ARHGEF15: variants seen among roughly 807,000 people sequenced by gnomAD.
ARHGEF15 encodes the protein Rho guanine nucleotide exchange factor (GEF) 15.
Under a neutral mutation model 79.7 loss-of-function variants are expected in ARHGEF15, and 58 were observed. That is an observed-to-expected ratio of 0.73 (90% CI 0.59 to 0.91). The LOEUF is 0.91. Among genes scored for constraint, ARHGEF15 ranks in the 40% least tolerant of loss-of-function variants. The pLI, the probability that ARHGEF15 is intolerant of heterozygous loss-of-function variation, is 0.00. For synonymous variants in ARHGEF15, 442 were observed against 456.0 expected (o/e 0.97, Z 0.39); for missense variants, 1,012 against 1,108.1 (o/e 0.91, Z 1.23).
Position 8,319,651 on chromosome 17 carries a change from TTTG to T in ARHGEF15, c.2374+49_2374+51del. 2.8e-6 allele frequency: 4 copies of T among 1,418,910 alleles called. No homozygotes were observed. In the South Asian group the frequency reaches 6.2e-5, roughly 22 times the overall value. The allele number at this position is 1,418,910 out of a possible 1,614,324, so 87.9% of individuals were successfully genotyped here. On this transcript the variant is annotated intron_variant, in intron 15 of 15. Coordinates refer to ENST00000361926, the MANE Select transcript of ARHGEF15 (RefSeq NM_173728.4). ...TATTTTGTATTTATTATTATTATTTTTTGAGACAGAGTCTCATTCTGTCAGCCA... is the reference window on the plus strand; with the variant it reads ...TATTTTGTATTTATTATTATTATTTTAGACAGAGTCTCATTCTGTCAGCCA...
In ARHGEF15 at chr17:8,312,601, C is replaced by T. The variant is rs1186599242; in HGVS notation, c.562C>T (p.Pro188Ser). The T allele has an allele frequency of 6.2e-7, 1 of 1,612,826 alleles. No individual in the cohort carries two copies. ...AGATGTGAATGGGGAGAGAGAAGCT[C>T]CCCTCACCGGGAGTGGGTCCCAGGA... Reference protein sequence around the residue: ...RADVNGEREAPLTGSGSQENG... With the variant: ...RADVNGEREASLTGSGSQENG... Residue 188 changes from proline (P) to serine (S), a missense_variant, in exon 2 of 16, where the codon CCC becomes TCC. Pro to Ser is a moderately conservative substitution (Grantham distance 74). Transcript: ENST00000361926.
chr17:8,314,816 T>G, intron 4 of ARHGEF15, 90 bp from the exon 5 acceptor site: 2 of 1,489,206 alleles, frequency 1.3e-6, no homozygotes, highest in Non-Finnish European at 1.8e-6. Flanking sequence ...AACCTGCACA[T>G]GGGTTGCCCT....
At chr17:8,317,669 T>C (rs552775211) in intron 9 of ARHGEF15, among the ~76,000 whole-genome samples, 3 of 152,266 alleles carry the variant, frequency 2.0e-5, no homozygotes, top group South Asian at 4.1e-4. Context: ...TTGCCTCAGG[T>C]CATACAGAAA....
chr17:8,321,973 C>A lies in ARHGEF15; in HGVS notation c.*980C>A, dbSNP rs1016410322. 6.5e-6 allele frequency: 1 copy of A among 152,978 alleles called. No individual in the cohort carries two copies. The highest frequency in any genetic ancestry group is 1.5e-5 in the Non-Finnish European group (1 of 68,318). 9.5% of individuals were successfully genotyped at this position (152,978 alleles called of 1,614,324 possible). On this transcript the variant is annotated 3_prime_UTR_variant, in exon 16 of 16. Transcript: ENST00000361926. ...TTCTCCTTGCCCCAAACACTGGCCTCCATAATTCCTGCCTGCAGATCTCCC... is the reference window on the plus strand; with the variant it reads ...TTCTCCTTGCCCCAAACACTGGCCTACATAATTCCTGCCTGCAGATCTCCC...
intron 4 of ARHGEF15, among the ~76,000 whole-genome samples, chr17:8,314,566 C>T (rs1369638930): frequency 6.6e-6 from 1 of 151,920 alleles, no homozygotes; most frequent in Admixed American, 6.6e-5. Context: ...GAATGGGGCC[C>T]ACTTAGTTCA....
chr17:8,319,370 C>T lies in ARHGEF15; in HGVS notation c.2245C>T (p.Pro749Ser), dbSNP rs374099924. The T allele has an allele frequency of 1.2e-6, 2 of 1,613,950 alleles. No homozygotes were observed. The highest frequency in any genetic ancestry group is 2.7e-5 in the African/African-American group (2 of 74,942). The part of the protein sequence containing the change: ...FPTPGPLPCS[P>S]DTIYEDCDCS... ...AACCCCAGGCCCCCTTCCCTGCTCC[C>T]CAGACACCATCTATGAGGACTGTGG... is the stretch of plus-strand genomic sequence containing the variant. The change falls in exon 14 of 16, where the codon CCA becomes TCA. Residue 749 changes from proline to serine, a missense_variant. Transcript: ENST00000361926.
rs1905410392 is a variant in ARHGEF15 at position 8,321,921 on chromosome 17, C to T, written c.*928C>T. 1 of 152,626 alleles carries T rather than the reference C, an allele frequency of 6.6e-6. No homozygotes were observed. Among genetic ancestry groups the T allele is most frequent in the Non-Finnish European group, 1.5e-5 (1 of 68,094 alleles). The allele number at this position is 152,626 out of a possible 1,614,324, so 9.5% of individuals were successfully genotyped here. The stretch of plus-strand genomic sequence containing the variant: ...GACTGAAGATGGCCAGTAGCTGGGT[C>T]CTGAGGCCCCTGAAGTCTGCAGACC... On this transcript the variant is annotated 3_prime_UTR_variant, in exon 16 of 16. Transcript: ENST00000361926.
At chr17:8,317,469 A>G (rs1013662111) in intron 9 of ARHGEF15, among the ~76,000 whole-genome samples, 1 of 152,158 alleles carries the variant, frequency 6.6e-6, no homozygotes, top group African/African-American at 2.4e-5. Context: ...ATTCAGCTTT[A>G]TCTATCCCCA....
chr17:8,313,590 C>G (rs1348085290), intron 4 of ARHGEF15, 35 bp downstream of exon 4: 3 of 1,596,640 alleles, frequency 1.9e-6, no homozygotes, highest in African/African-American at 2.7e-5. Flanking sequence ...CCCTGGTTCT[C>G]TCCCCACCAT....
At chr17:8,314,162 G>A (rs1382278001) in intron 4 of ARHGEF15, 1 of 152,238 alleles carries the variant, frequency 6.6e-6, no homozygotes, top group Admixed American at 6.5e-5. Flanking sequence ...GAGTAAGTGA[G>A]TGCACCATTT....
chr17:8,321,079 T>C lies in ARHGEF15; in HGVS notation c.*86T>C. ...AAGCCCATTCATCCATTGGATTCAC[T>C]GTCAGTGGAGATACTACCTCTCGTG... is the stretch of plus-strand genomic sequence containing the variant. On this transcript the variant is annotated 3_prime_UTR_variant, in exon 16 of 16. Coordinates refer to ENST00000361926, the MANE Select transcript of ARHGEF15 (RefSeq NM_173728.4). 6.4e-7 allele frequency: 1 copy of C among 1,557,144 alleles called. No individual in the cohort carries two copies. Among genetic ancestry groups the C allele is most frequent in the African/African-American group, 1.4e-5 (1 of 73,872 alleles).
chr17:8,317,835 G>A (rs1905126096), intron 9 of ARHGEF15, among the ~76,000 whole-genome samples: 1 of 152,160 alleles, frequency 6.6e-6, no homozygotes, highest in Non-Finnish European at 1.5e-5. Flanking sequence ...GGGAGGCCGA[G>A]GCGGGTGGAT....
rs372888591 is a variant in ARHGEF15 at position 8,312,552 on chromosome 17, G to A, written c.513G>A (p.Pro171=). The change falls in exon 2 of 16, where the codon CCG becomes CCA. Residue 171 remains proline (P), a synonymous_variant. Transcript: ENST00000361926. ...GCCGGGCTCAGGATGCAGATGCCCCGGAGCCAGGTCTCCAAGCGAGAGCAG... is the reference window on the plus strand; with the variant it reads ...GCCGGGCTCAGGATGCAGATGCCCCAGAGCCAGGTCTCCAAGCGAGAGCAG... ...AEGRAQDADA[P]EPGLQARADV... is the part of the protein sequence containing the mutation. 3.8e-5 allele frequency: 61 copies of A among 1,608,928 alleles called. No individual in the cohort carries two copies. The highest frequency in any genetic ancestry group is 1.8e-4 in the East Asian group (8 of 44,774).
chr17:8,314,792 G>A, intron 4 of ARHGEF15, 114 bp from the exon 5 acceptor site: 1 of 1,212,814 alleles, frequency 8.2e-7, no homozygotes, highest in Non-Finnish European at 1.1e-6. Flanking sequence ...GGAGCCGTCA[G>A]GGTCCCTACA....
Position 8,315,838 on chromosome 17 carries a change from G to A in ARHGEF15, c.1505G>A (p.Gly502Glu), listed in dbSNP as rs766320878. Residue 502 changes from glycine to glutamate, a missense_variant, in exon 8 of 16, where the codon GGG becomes GAG. Physicochemically the swap from Gly to Glu is moderately conservative, Grantham distance 98. Around this residue, in one of 3 missense-constraint regions of ARHGEF15, gnomAD observed 818 missense variants for 882.5 expected, o/e 0.93. Transcript: ENST00000361926. This position sits in a 1 kb window ranked among gnomAD's most constrained non-coding sequence, Gnocchi z 4.3. ...LCDVVHAHAV[G>E]PFSVYVDYVR... ...GATGTGGTGCATGCCCACGCTGTGG[G>A]GCCTTTCTCGGTGTATGTGGATTAT... 3 of 1,612,672 alleles carry A rather than the reference G, an allele frequency of 1.9e-6. No individual in the cohort carries two copies. The Admixed American group carries it at 5.0e-5, about 27-fold the overall frequency.
At position 8,315,721 on chromosome 17, in the gene ARHGEF15, C is replaced by G. The variant is rs778793551; in HGVS notation, c.1422-34C>G. The G allele has an allele frequency of 1.1e-5, 17 of 1,605,416 alleles. 1 individual carries two copies. The South Asian group carries it at 1.9e-4, about 18-fold the overall frequency. On this transcript the variant is annotated intron_variant, in intron 7 of 15. Transcript: ENST00000361926. This position sits in a 1 kb window ranked among gnomAD's most constrained non-coding sequence, Gnocchi z 4.3. ...GAACCCGGGAGACCTGGCTCTCTGC[C>G]CCGCCCCATTGCTTGCTTCCCCAAT... is the stretch of plus-strand genomic sequence containing the variant.
rs1904695344 is a variant in ARHGEF15 at position 8,312,387 on chromosome 17, T to A, written c.348T>A (p.Ser116=). The A allele has an allele frequency of 6.2e-7, 1 of 1,610,504 alleles. No individual in the cohort carries two copies. The change falls in exon 2 of 16, where the codon TCT becomes TCA. Residue 116 remains serine (S), a synonymous_variant. Transcript: ENST00000361926. ...CCTCCCCAGAACCTGCTCCCCGGTC[T>A]CCAGTCCCCCCACCCAAGCCGTCTG... is the stretch of plus-strand genomic sequence containing the variant. ...RSASPEPAPR[S]PVPPPKPSGS...
rs1011530345 is a variant in ARHGEF15 at position 8,321,810 on chromosome 17, C to A, written c.*817C>A. ...GCACCCAGGGGATGAGAGCCCTGAG[C>A]TTTGGGTCTCTTGGAGGCTAGGGTT... On this transcript the variant is annotated 3_prime_UTR_variant, in exon 16 of 16. Transcript: ENST00000361926. 3.9e-5 allele frequency: 6 copies of A among 152,164 alleles called. No homozygotes were observed. The highest frequency in any genetic ancestry group is 1.5e-5 in the Non-Finnish European group (1 of 68,044). 9.4% of individuals were successfully genotyped at this position (152,164 alleles called of 1,614,324 possible).
At chr17:8,312,721 C>T (rs1486127855) in intron 2 of ARHGEF15, 81 bp downstream of exon 2, 16 of 1,604,170 alleles carry the variant, frequency 1.0e-5, no homozygotes, top group Non-Finnish European at 1.4e-5. Context: ...CTTTCAGGGG[C>T]TACCTTTTCA....
Sources: gnomAD v4.1 joint callset for allele counts (sites outside exome capture counted in the v4.1 genomes callset) on GRCh38, gnomAD v4.1.1 for gene constraint, gnomAD v4.1.1 regional missense constraint, Gnocchi (gnomAD v3.1) non-coding constraint, MANE v1.5 for transcripts, NCBI Gene and HGNC (gene_info 2026-07-23, HGNC 2026-07-21) for gene names.